CYP4F22: variants seen among roughly 807,000 people sequenced by gnomAD.
The protein encoded by CYP4F22 is cytochrome P450 family 4 subfamily F member 22.
In CYP4F22, 37 loss-of-function variants were observed where a neutral mutation model predicts 60.4. The ratio of observed to expected loss-of-function variants is 0.61; its 90% confidence interval spans 0.47 to 0.81. CYP4F22 has a LOEUF of 0.81. Among genes scored for constraint, CYP4F22 ranks in the 30% least tolerant of loss-of-function variants. CYP4F22 has a pLI of 0.00. For missense variants in CYP4F22, 655 were observed against 715.0 expected, an observed-to-expected ratio of 0.92 and a Z score of 0.96; for synonymous variants, 258 against 280.5, an observed-to-expected ratio of 0.92 and a Z score of 0.80.
Position 15,537,876 on chromosome 19 carries a change from A to C in CYP4F22, c.554A>C (p.Lys185Thr), listed in dbSNP as rs751954643. Residue 185 changes from lysine to threonine, a missense_variant, in exon 7 of 14, where the codon AAA becomes ACA. Lys to Thr is a moderately conservative substitution (Grantham distance 78). Transcript: ENST00000269703. ...FNQSADIMHA[K>T]WRHLAEGSAV... ...CACCATGTATCTCTCTTCCAGGCTAAATGGCGGCATCTGGCAGAGGGCTCA... is the reference window on the plus strand; with the variant it reads ...CACCATGTATCTCTCTTCCAGGCTACATGGCGGCATCTGGCAGAGGGCTCA... The C allele has an allele frequency of 5.6e-6, 9 of 1,613,818 alleles. No homozygotes were observed. The highest frequency in any genetic ancestry group is 7.6e-6 in the Non-Finnish European group (9 of 1,180,012).
intron 11 of CYP4F22, 39 bp downstream of exon 11, chr19:15,548,280 C>T (rs1454883707): frequency 6.2e-7 from 1 of 1,612,794 alleles, no homozygotes; most frequent in South Asian, 1.1e-5. Context: ...TGCACTGCCT[C>T]CAATGATGTA....
intron 8 of CYP4F22, 33 bp downstream of exon 8, chr19:15,540,750 C>G (rs770235794): frequency 6.8e-7 from 1 of 1,473,212 alleles, no homozygotes; most frequent in South Asian, 1.2e-5. Flanking sequence ...TGCTGGCCTC[C>G]CGAGGGCTGG....
intron 3 of CYP4F22, 94 bp from the exon 4 acceptor site, chr19:15,529,615 G>A: frequency 6.5e-7 from 1 of 1,539,202 alleles, no homozygotes; most frequent in Non-Finnish European, 8.9e-7. Flanking sequence ...GCACTATTGG[G>A]CTTGTTTTGA....
In CYP4F22 at chr19:15,540,895, G is replaced by A. The variant is rs545864819; in HGVS notation, c.939+178G>A. Among the ~76,000 whole-genome samples the A allele has an allele frequency of 8.5e-5, 13 of 152,316 alleles. No homozygotes were observed. The South Asian group carries it at 2.7e-3, about 32-fold the overall frequency. On this transcript the variant is annotated intron_variant, in intron 8 of 13. Coordinates refer to ENST00000269703, the MANE Select transcript of CYP4F22 (RefSeq NM_173483.4). ...AGCCCTGGAATTGGAGATCAGCCTG[G>A]GCAACACAGGGAGACCCTGTCTCTA...
intron 1 of CYP4F22, among the ~76,000 whole-genome samples, chr19:15,513,349 G>GTGTA (rs1971114297): frequency 1.3e-5 from 1 of 75,236 alleles, no homozygotes; most frequent in Non-Finnish European, 2.5e-5. Context: ...CTAATTTTTT[G>GTGTA]TATATATATA....
intron 8 of CYP4F22, among the ~76,000 whole-genome samples, chr19:15,543,482 A>C (rs1400576452): frequency 6.6e-6 from 1 of 152,026 alleles, no homozygotes; most frequent in Non-Finnish European, 1.5e-5. Flanking sequence ...GTGAGCCACC[A>C]TGCTGGGCAC....
rs578063918 is a variant in CYP4F22 at position 15,518,444 on chromosome 19, TC to T, written c.-108-5247del. On this transcript the variant is annotated intron_variant, in intron 1 of 13. Coordinates refer to ENST00000269703, the MANE Select transcript of CYP4F22 (RefSeq NM_173483.4). ...ACACGAGGTCAGGAGATCGAGACCA[TC>T]CTGGCTAACACGGTGAAACCCCATC... 2.2e-3 allele frequency among the ~76,000 whole-genome samples: 326 copies of T among 145,162 alleles called. 1 individual carries two copies. The highest frequency in any genetic ancestry group is 4.5e-3 in the Admixed American group (64 of 14,184).
chr19:15,521,142 T>C (rs1375767659), intron 1 of CYP4F22, among the ~76,000 whole-genome samples: 1 of 152,168 alleles, frequency 6.6e-6, no homozygotes, highest in African/African-American at 2.4e-5. Flanking sequence ...ATGTCCTTGC[T>C]TTTGAAGGCC....
intron 6 of CYP4F22, 81 bp downstream of exon 6, chr19:15,537,743 T>C: frequency 6.2e-7 from 1 of 1,607,156 alleles, no homozygotes; most frequent in Non-Finnish European, 8.5e-7. Context: ...GGGCAAGCCA[T>C]GTGATGTCAG....
chr19:15,509,904 C>CCTTTCCTTCCTTCCTTCTTTCTTTCTTT (rs1971066504), intron 1 of CYP4F22, among the ~76,000 whole-genome samples: 2 of 86,696 alleles, frequency 2.3e-5, no homozygotes, highest in Non-Finnish European at 5.0e-5. Context: ...TTCCTTCCTT[C>CCTTTCCTTCCTTCCTTCTTTCTTTCTTT]CTTTCTTTCT....
chr19:15,543,486 TG>T (rs2039992660), intron 8 of CYP4F22, among the ~76,000 whole-genome samples: 1 of 152,072 alleles, frequency 6.6e-6, no homozygotes, highest in South Asian at 2.1e-4. Flanking sequence ...GCCACCATGC[TG>T]GGCACTTTCC....
intron 1 of CYP4F22, among the ~76,000 whole-genome samples, chr19:15,509,997 G>A (rs1255394746): frequency 7.5e-6 from 1 of 132,858 alleles, no homozygotes; most frequent in Non-Finnish European, 1.6e-5. Context: ...TGTTGTTGTT[G>A]TTGAGACAGG....
intron 13 of CYP4F22, 149 bp downstream of exon 13, chr19:15,550,905 GCC>G: frequency 1.1e-6 from 1 of 946,268 alleles, no homozygotes; most frequent in Non-Finnish European, 1.7e-6. Context: ...GCGCCAGGAG[GCC>G]CCCAAATCAG....
chr19:15,551,904 A>G lies in CYP4F22; in HGVS notation c.*433A>G, dbSNP rs1213301071. 6 of 156,026 alleles carry G rather than the reference A, an allele frequency of 3.8e-5. No individual in the cohort carries two copies. Among genetic ancestry groups the G allele is most frequent in the Non-Finnish European group, 2.6e-5 (2 of 76,624 alleles). The allele number at this position is 156,026 out of a possible 1,614,324, so 9.7% of individuals were successfully genotyped here. On this transcript the variant is annotated 3_prime_UTR_variant, in exon 14 of 14. Transcript: ENST00000269703. ...GCCCACCACACCCCACCCCCCCCCAACTGGCTGAACCCCTGGCAGGCTTCC... is the reference window on the plus strand; with the variant it reads ...GCCCACCACACCCCACCCCCCCCCAGCTGGCTGAACCCCTGGCAGGCTTCC...
chr19:15,535,655 T>A (rs1201778359), intron 4 of CYP4F22, among the ~76,000 whole-genome samples: 1 of 151,650 alleles, frequency 6.6e-6, no homozygotes, highest in African/African-American at 2.4e-5. Flanking sequence ...CATCCACCCA[T>A]CCATCCATTC....
Position 15,537,381 on chromosome 19 carries a change from G to A in CYP4F22, c.388G>A (p.Asp130Asn). The change falls in exon 5 of 14, where the codon GAC becomes AAC. Residue 130 changes from aspartate to asparagine, a missense_variant. By Grantham distance (23) the Asp-to-Asn change is conservative. Transcript: ENST00000269703. ...GASAAIAPKDDLFYGFLKPWL... is the reference protein window; with the variant it reads ...GASAAIAPKDNLFYGFLKPWL... ...CACAGCTGCCATCGCCCCCAAGGAT[G>A]ACCTCTTCTATGGCTTCCTAAAACC... is the stretch of plus-strand genomic sequence containing the variant. 1 of 1,614,164 alleles carries A rather than the reference G, an allele frequency of 6.2e-7. No homozygotes were observed. Among genetic ancestry groups the A allele is most frequent in the Non-Finnish European group, 8.5e-7 (1 of 1,180,006 alleles).
chr19:15,547,018 G>GTTTTTTTTTT (rs71176432), intron 10 of CYP4F22, among the ~76,000 whole-genome samples: 943 of 82,262 alleles, frequency 0.011, 103 homozygotes, highest in Middle Eastern at 0.028. Flanking sequence ...GCCTGCACCA[G>GTTTTTTTTTT]TTTTTTTTTT....
At chr19:15,515,042 A>G (rs1971137396) in intron 1 of CYP4F22, among the ~76,000 whole-genome samples, 1 of 152,196 alleles carries the variant, frequency 6.6e-6, no homozygotes, top group Non-Finnish European at 1.5e-5. Flanking sequence ...GAAGGTGCCC[A>G]GGGCGTGGAT....
At chr19:15,522,366 G>A (rs1368630638) in intron 1 of CYP4F22, among the ~76,000 whole-genome samples, 2 of 151,990 alleles carry the variant, frequency 1.3e-5, no homozygotes, top group Non-Finnish European at 2.9e-5. Context: ...CCCAGGAAGT[G>A]TTAACTAATA....
Sources: gnomAD v4.1 joint callset for allele counts (sites outside exome capture counted in the v4.1 genomes callset) on GRCh38, gnomAD v4.1.1 for gene constraint, MANE v1.5 for transcripts, NCBI Gene and HGNC (gene_info 2026-07-23, HGNC 2026-07-21) for gene names.